The following RTN4RL1 variants were observed in gnomAD, a reference collection of about 807,000 sequenced individuals.
RTN4RL1 encodes reticulon-4 receptor-like 1.
In RTN4RL1, 7 loss-of-function variants were observed where a neutral mutation model predicts 25.6. The observed-to-expected ratio is 0.27, with a 90% CI of 0.16 to 0.51. RTN4RL1 has a LOEUF of 0.51. RTN4RL1 is among the 20% of genes least tolerant of loss of function. RTN4RL1 has a pLI of 0.97. For synonymous variants in RTN4RL1, 297 were observed against 288.2 expected, an observed-to-expected ratio of 1.03 and a Z score of -0.31; for missense variants, 500 against 615.6, an observed-to-expected ratio of 0.81 and a Z score of 1.99.
chr17:2,010,686 T>C lies in RTN4RL1; in HGVS notation c.13+14167A>G, dbSNP rs531367415. Among the ~76,000 whole-genome samples, 3 of 151,966 alleles carry C rather than the reference T, an allele frequency of 2.0e-5. No individual in the cohort carries two copies. The South Asian group carries it at 6.2e-4, about 32-fold the overall frequency. ...AATCCTCCCACCTCAGCCTCCCAAA[T>C]AGCTGGGACTACAGGCACACACCAT... On this transcript the variant is annotated intron_variant, in intron 1 of 1. Transcript: ENST00000331238.
chr17:1,979,060 G>A (rs1041900907), intron 1 of RTN4RL1, among the ~76,000 whole-genome samples: 2 of 152,230 alleles, frequency 1.3e-5, no homozygotes, highest in South Asian at 2.1e-4. Flanking sequence ...ATCACTTGGG[G>A]TCAGGAGTTC....
At chr17:1,962,085 C>G (rs2066766512) in intron 1 of RTN4RL1, among the ~76,000 whole-genome samples, 1 of 148,968 alleles carries the variant, frequency 6.7e-6, no homozygotes, top group Middle Eastern at 3.4e-3. Context: ...GGTTTCAGAA[C>G]AGCCTAGGCA....
At chr17:1,986,279 GTAT>G (rs2066886962) in intron 1 of RTN4RL1, among the ~76,000 whole-genome samples, 2 of 152,092 alleles carry the variant, frequency 1.3e-5, no homozygotes, top group South Asian at 4.2e-4. Flanking sequence ...GATGAAGTAG[GTAT>G]TATTATTAAC....
At chr17:1,996,227 T>C (rs565673865) in intron 1 of RTN4RL1, among the ~76,000 whole-genome samples, 3 of 152,344 alleles carry the variant, frequency 2.0e-5, no homozygotes, top group Admixed American at 6.5e-5. Context: ...AACCCATCTC[T>C]GAGGCCAGGT....
At chr17:1,955,804 G>A (rs985136960) in intron 1 of RTN4RL1, among the ~76,000 whole-genome samples, 24 of 151,504 alleles carry the variant, frequency 1.6e-4, no homozygotes, top group Admixed American at 2.0e-4. Context: ...GGCTGGTCTC[G>A]AACTCCTGAA....
chr17:2,002,651 C>CCTTT (rs573934222), intron 1 of RTN4RL1, among the ~76,000 whole-genome samples: 2 of 151,186 alleles, frequency 1.3e-5, no homozygotes, highest in Non-Finnish European at 2.9e-5. Flanking sequence ...TTCCTTCCTT[C>CCTTT]CTTTCTTTTC....
chr17:2,005,385 G>C (rs1191400853), intron 1 of RTN4RL1, among the ~76,000 whole-genome samples: 2 of 152,166 alleles, frequency 1.3e-5, no homozygotes, highest in Non-Finnish European at 2.9e-5. Context: ...CCATTTTACA[G>C]ATGAACTCAA....
intron 1 of RTN4RL1, among the ~76,000 whole-genome samples, chr17:2,002,172 C>T (rs963820647): frequency 6.6e-6 from 1 of 152,056 alleles, no homozygotes; most frequent in Admixed American, 6.6e-5. Context: ...GACACTGCAG[C>T]GGTATTTCTG....
intron 1 of RTN4RL1, among the ~76,000 whole-genome samples, chr17:1,997,386 G>C (rs1245934733): frequency 6.6e-6 from 1 of 152,156 alleles, no homozygotes; most frequent in African/African-American, 2.4e-5. Flanking sequence ...TCCCGGCCAA[G>C]TACAATATCA....
intron 1 of RTN4RL1, among the ~76,000 whole-genome samples, chr17:1,991,040 C>T (rs1006563761): frequency 3.9e-5 from 6 of 152,182 alleles, no homozygotes; most frequent in African/African-American, 1.4e-4. Context: ...ATTTGGATGC[C>T]TGACCTTGGC....
chr17:2,021,471 C>T (rs1051723290), intron 1 of RTN4RL1, among the ~76,000 whole-genome samples: 2 of 152,054 alleles, frequency 1.3e-5, no homozygotes, highest in Non-Finnish European at 2.9e-5. Context: ...TATTACACTC[C>T]CTCAGGTCCA....
At chr17:1,943,722 G>A (rs1318885796) in intron 1 of RTN4RL1, among the ~76,000 whole-genome samples, 2 of 152,196 alleles carry the variant, frequency 1.3e-5, no homozygotes, top group African/African-American at 4.8e-5. Flanking sequence ...GCCACTTCCT[G>A]GTGGGCCCAT....
At chr17:1,942,378 G>A (rs1299325298) in intron 1 of RTN4RL1, among the ~76,000 whole-genome samples, 1 of 151,996 alleles carries the variant, frequency 6.6e-6, no homozygotes, top group Non-Finnish European at 1.5e-5. Context: ...GGGATACGGA[G>A]GATCCTCATG....
At chr17:1,944,787 T>C (rs1915505431) in intron 1 of RTN4RL1, among the ~76,000 whole-genome samples, 1 of 152,074 alleles carries the variant, frequency 6.6e-6, no homozygotes, top group Admixed American at 6.6e-5. Flanking sequence ...AACTACCCAC[T>C]TCTCATGGCC....
chr17:1,950,140 T>G (rs1915642629), intron 1 of RTN4RL1, among the ~76,000 whole-genome samples: 1 of 151,470 alleles, frequency 6.6e-6, no homozygotes, highest in Admixed American at 6.6e-5. Flanking sequence ...TTTGGGAGGT[T>G]GCATTTGGAG....
chr17:1,983,265 T>TG (rs2066875140), intron 1 of RTN4RL1, among the ~76,000 whole-genome samples: 1 of 152,116 alleles, frequency 6.6e-6, no homozygotes, highest in Non-Finnish European at 1.5e-5. Context: ...AGTCTGATCT[T>TG]GAACCCCTGG....
chr17:1,969,342 C>T (rs1348554044), intron 1 of RTN4RL1, among the ~76,000 whole-genome samples: 2 of 152,112 alleles, frequency 1.3e-5, no homozygotes, highest in East Asian at 3.9e-4. Flanking sequence ...CAGGCATGAG[C>T]CACCATGCCC....
intron 1 of RTN4RL1, among the ~76,000 whole-genome samples, chr17:1,974,040 G>GAA (rs57063033): frequency 0.011 from 1,064 of 96,856 alleles, 38 homozygotes; most frequent in African/African-American, 0.019. Context: ...CTCCGTCTCA[G>GAA]AAAAAAAAAA....
chr17:1,971,497 G>GGTA (rs1385464170), intron 1 of RTN4RL1, among the ~76,000 whole-genome samples: 1 of 152,172 alleles, frequency 6.6e-6, no homozygotes, highest in Non-Finnish European at 1.5e-5. Context: ...ACTAGAAAGA[G>GGTA]GTAGAACTGA....
Sources: gnomAD v4.1 joint callset for allele counts (sites outside exome capture counted in the v4.1 genomes callset) on GRCh38, gnomAD v4.1.1 for gene constraint, MANE v1.5 for transcripts, NCBI Gene and HGNC (gene_info 2026-07-23, HGNC 2026-07-21) for gene names.